The following PPP4R4 variants were observed in gnomAD, a reference collection of about 807,000 sequenced individuals.
PPP4R4 encodes serine/threonine-protein phosphatase 4 regulatory subunit 4.
PPP4R4 carries 70 observed loss-of-function variants against 121.8 expected under a neutral mutation model. The observed-to-expected ratio is 0.57, with a 90% CI of 0.47 to 0.70. The LOEUF (loss-of-function observed/expected upper bound fraction) is 0.70. PPP4R4 is among the 30% of genes least tolerant of loss of function. The pLI is 0.00. For synonymous variants in PPP4R4, 348 were observed against 355.7 expected (o/e 0.98, Z 0.24); for missense variants, 875 against 1,033.6 (o/e 0.85, Z 2.10).
At chr14:94,240,459 C>T (rs533580964) in intron 8 of PPP4R4, among the ~76,000 whole-genome samples, 2 of 152,082 alleles carry the variant, frequency 1.3e-5, no homozygotes, top group Non-Finnish European at 2.9e-5. Context: ...AAGTCCAAAC[C>T]CCTTAACCTG....
chr14:94,248,774 C>A (rs893734328), intron 14 of PPP4R4, among the ~76,000 whole-genome samples: 1 of 152,052 alleles, frequency 6.6e-6, no homozygotes, highest in Non-Finnish European at 1.5e-5. Flanking sequence ...ATTCCTTTGT[C>A]CACATTGGTT....
In PPP4R4 at chr14:94,237,914, T is replaced by C. The variant is rs556359539; in HGVS notation, c.853+228T>C. 7.9e-4 allele frequency among the ~76,000 whole-genome samples: 120 copies of C among 152,316 alleles called. 2 individuals are homozygous for C. The South Asian group carries it at 0.024, about 30-fold the overall frequency. On this transcript the variant is annotated intron_variant, in intron 8 of 24. Coordinates refer to ENST00000304338, the MANE Select transcript of PPP4R4 (RefSeq NM_058237.2). Reference sequence around the variant, plus strand: ...TAACAGAATACCTGAGACCAGGTAATTTATAAAGGAATTTATTTTGGCCCA... The same window carrying C: ...TAACAGAATACCTGAGACCAGGTAACTTATAAAGGAATTTATTTTGGCCCA...
At chr14:94,265,339 A>T in intron 20 of PPP4R4, 48 bp from the exon 21 acceptor site, 1 of 1,356,406 alleles carries the variant, frequency 7.4e-7, no homozygotes, top group Non-Finnish European at 1.1e-6. Context: ...ATGGAGATTA[A>T]TAAGGACTTA....
chr14:94,251,978 A>G, intron 16 of PPP4R4, 82 bp downstream of exon 16: 4 of 1,270,988 alleles, frequency 3.1e-6, no homozygotes, highest in Non-Finnish European at 1.1e-6. Flanking sequence ...TCTTTTCCTT[A>G]GCCAATTAAA....
At chr14:94,205,886 T>C in intron 2 of PPP4R4, among the ~76,000 whole-genome samples, 1 of 151,912 alleles carries the variant, frequency 6.6e-6, no homozygotes, top group Non-Finnish European at 1.5e-5. Flanking sequence ...TTTGTTGAGG[T>C]TTGTTTTGTG....
At chr14:94,260,703 T>C (rs4905174) in intron 19 of PPP4R4, among the ~76,000 whole-genome samples, 82,862 of 151,966 alleles carry the variant, frequency 0.55, 25,197 homozygotes, top group African/African-American at 0.82. Context: ...AGCTTTTAAT[T>C]CATTCTGAAT....
At chr14:94,265,719 T>C (rs1894013114) in intron 21 of PPP4R4, 75 bp from the exon 22 acceptor site, 31 of 1,080,068 alleles carry the variant, frequency 2.9e-5, no homozygotes, top group Admixed American at 6.6e-5. Context: ...ATGATGGTAG[T>C]TGGGGAGGGA....
intron 2 of PPP4R4, among the ~76,000 whole-genome samples, chr14:94,208,032 G>C (rs1890554775): frequency 6.6e-6 from 1 of 151,864 alleles, no homozygotes; most frequent in Non-Finnish European, 1.5e-5. Flanking sequence ...TGATTTTGCT[G>C]TAGTTGATTT....
At chr14:94,265,986 T>C (rs1894031820) in intron 22 of PPP4R4, 99 bp downstream of exon 22, 1 of 903,794 alleles carries the variant, frequency 1.1e-6, no homozygotes, top group African/African-American at 1.8e-5. Flanking sequence ...GAATTAATTT[T>C]GAGGTTTTTT....
In PPP4R4 at chr14:94,239,246, C is replaced by T. The variant is rs1241135790; in HGVS notation, c.854-1427C>T. Reference sequence around the variant, plus strand: ...TAAGTTCTAGGGTACATGGGCACGACGTGCAGGTTTGTTACATATGTATAC... The same window carrying T: ...TAAGTTCTAGGGTACATGGGCACGATGTGCAGGTTTGTTACATATGTATAC... On this transcript the variant is annotated intron_variant, in intron 8 of 24. Coordinates refer to ENST00000304338, the MANE Select transcript of PPP4R4 (RefSeq NM_058237.2). Among the ~76,000 whole-genome samples the T allele has an allele frequency of 4.0e-5, 6 of 150,884 alleles. No homozygotes were observed. In the East Asian group the frequency reaches 5.8e-4, roughly 15 times the overall value.
In PPP4R4 at chr14:94,250,232, C is replaced by T. The variant is rs201499500; in HGVS notation, c.1672C>T (p.Arg558Cys). 1.3e-4 allele frequency: 202 copies of T among 1,611,868 alleles called. 1 individual carries two copies. Among genetic ancestry groups the T allele is most frequent in the Non-Finnish European group, 1.4e-4 (163 of 1,178,464 alleles). Residue 558 changes from arginine (R) to cysteine (C), a missense_variant, in exon 15 of 25, where the codon CGT (arginine) becomes TGT (cysteine). Physicochemically the swap from Arg to Cys is radical, Grantham distance 180 (BLOSUM62 -3). Coordinates refer to ENST00000304338, the MANE Select transcript of PPP4R4 (RefSeq NM_058237.2). The part of the protein sequence containing the change: ...RTLCIFLRYN[R>C]KQEQRHEVIQ... ...TCTATGCATTTTTCTGCGTTATAAT[C>T]GTAAACAAGAACAGAGACATGAGGT...
At position 94,256,548 on chromosome 14, in the gene PPP4R4, G is replaced by A; in HGVS notation, c.1954G>A (p.Val652Met). 6.2e-7 allele frequency: 1 copy of A among 1,604,322 alleles called. No homozygotes were observed. The highest frequency in any genetic ancestry group is 8.5e-7 in the Non-Finnish European group (1 of 1,171,676). ...KHLLQQLEMC[V>M]RKLLCQEKDK... is the part of the protein sequence containing the mutation. ...TCTACTTCAGCAGTTAGAAATGTGT[G>A]TGAGGAAACTCCTGTGTCAAGAAAA... Residue 652 changes from valine to methionine, a missense_variant, in exon 17 of 25, where the codon GTG becomes ATG. By Grantham distance (21) the Val-to-Met change is conservative. Coordinates refer to ENST00000304338, the MANE Select transcript of PPP4R4 (RefSeq NM_058237.2).
intron 1 of PPP4R4, among the ~76,000 whole-genome samples, chr14:94,175,035 T>C (rs540941432): frequency 2.1e-4 from 27 of 125,790 alleles, no homozygotes; most frequent in Admixed American, 6.3e-4. Context: ...GGTCCTCTCC[T>C]GGGCTCCCCA....
At chr14:94,241,653 C>T in intron 9 of PPP4R4, 135 bp from the exon 10 acceptor site, 2 of 650,888 alleles carry the variant, frequency 3.1e-6, no homozygotes, top group Non-Finnish European at 5.0e-6. Context: ...TTTCATGTTC[C>T]TTTTATTTAT....
intron 23 of PPP4R4, 118 bp from the exon 24 acceptor site, chr14:94,275,256 C>A (rs906990320): frequency 2.5e-5 from 28 of 1,137,720 alleles, no homozygotes; most frequent in Non-Finnish European, 3.6e-5. Flanking sequence ...GTAAATTATA[C>A]CCTCATAAAA....
chr14:94,184,107 T>G (rs1412447940), intron 2 of PPP4R4, among the ~76,000 whole-genome samples: 1 of 152,180 alleles, frequency 6.6e-6, no homozygotes, highest in Non-Finnish European at 1.5e-5. Context: ...ATAGGAAGAT[T>G]GAGTTCTATC....
At chr14:94,240,458 C>T (rs907964635) in intron 8 of PPP4R4, among the ~76,000 whole-genome samples, 2 of 152,094 alleles carry the variant, frequency 1.3e-5, no homozygotes, top group African/African-American at 2.4e-5. Flanking sequence ...GAAGTCCAAA[C>T]CCCTTAACCT....
At chr14:94,181,356 T>C (rs180733422) in intron 2 of PPP4R4, among the ~76,000 whole-genome samples, 1 of 152,314 alleles carries the variant, frequency 6.6e-6, no homozygotes, top group East Asian at 1.9e-4. Context: ...CAGTTTTCTT[T>C]AGTGATACAC....
chr14:94,245,813 T>G, intron 13 of PPP4R4, 143 bp downstream of exon 13: 1 of 492,814 alleles, frequency 2.0e-6, no homozygotes, highest in Non-Finnish European at 3.6e-6. Flanking sequence ...AAAAGCCTAT[T>G]AGAGTTTGAA....
Sources: gnomAD v4.1 joint callset for allele counts (sites outside exome capture counted in the v4.1 genomes callset) on GRCh38, gnomAD v4.1.1 for gene constraint, MANE v1.5 for transcripts, NCBI Gene and HGNC (gene_info 2026-07-23, HGNC 2026-07-21) for gene names.